The following MYO7B variants were observed in gnomAD, a reference collection of about 807,000 sequenced individuals.
MYO7B encodes myosin VIIB, also known as unconventional myosin-VIIb.
Under a neutral mutation model 259.7 loss-of-function variants are expected in MYO7B, and 212 were observed. The ratio of observed to expected loss-of-function variants is 0.82; its 90% CI spans 0.73 to 0.91. The LOEUF is 0.91. Among genes scored for constraint, MYO7B ranks in the 40% least tolerant of loss-of-function variants. The pLI is 0.00. For missense variants in MYO7B, 2,732 were observed against 2,813.5 expected (o/e 0.97, Z 0.66); for synonymous variants, 1,197 against 1,166.4 (o/e 1.03, Z -0.54).
chr2:127,571,476 T>TTTTTC (rs1678622905), intron 6 of MYO7B, among the ~76,000 whole-genome samples: 1 of 139,742 alleles, frequency 7.2e-6, no homozygotes, highest in Non-Finnish European at 1.6e-5. Flanking sequence ...TTGTTTTTTG[T>TTTTTC]TTGTTTGTTT....
At position 127,624,134 on chromosome 2, in the gene MYO7B, C is replaced by T. The variant is rs1037470450; in HGVS notation, c.3861C>T (p.Ala1287=). The change falls in exon 30 of 48, where the codon GCC becomes GCT. Residue 1287 remains alanine (A), a synonymous_variant. Transcript: ENST00000409816. ...GCGGGCGCGACCACATGATGGATGC[C>T]ATCGCCCGGTGTGAGCAGATGGCCC... is the stretch of plus-strand genomic sequence containing the variant. ...LGSGRDHMMD[A]IARCEQMAQE... 3.8e-6 allele frequency: 6 copies of T among 1,590,758 alleles called. No homozygotes were observed. Among genetic ancestry groups the T allele is most frequent in the Non-Finnish European group, 5.1e-6 (6 of 1,169,458 alleles).
In MYO7B at chr2:127,608,763, A is replaced by G. The variant is rs746872493; in HGVS notation, c.2699A>G (p.Lys900Arg). 4 of 1,613,374 alleles carry G rather than the reference A, an allele frequency of 2.5e-6. No homozygotes were observed. In the African/African-American group the frequency reaches 4.0e-5, roughly 16 times the overall value. Residue 900 changes from lysine (K) to arginine (R), a missense_variant, in exon 22 of 48, where the codon AAG (lysine) becomes AGG (arginine). Physicochemically the swap from Lys to Arg is conservative, Grantham distance 26. Transcript: ENST00000409816. ...GQKSQGALPA[K>R]KRRSIYDTVT... ...AAAAGCCAAGGCGCTCTCCCTGCCA[A>G]GAAGCGCAGATCCATCTACGACACC...
In MYO7B at chr2:127,637,631, G is replaced by A. The variant is rs532895633; in HGVS notation, c.*214G>A. 84 of 456,134 alleles carry A rather than the reference G, an allele frequency of 1.8e-4. No individual in the cohort carries two copies. The highest frequency in any genetic ancestry group is 1.5e-3 in the African/African-American group (78 of 50,672). The allele number at this position is 456,134 out of a possible 1,614,324, so 28.3% of individuals were successfully genotyped here. On this transcript the variant is annotated 3_prime_UTR_variant, in exon 48 of 48. Coordinates refer to ENST00000409816, the MANE Select transcript of MYO7B (RefSeq NM_001393586.1). ...GGCCCAGAATGGGGTCGGGAGTCTC[G>A]GACCCCCAGGCTATTGGTGGATGAC...
chr2:127,634,567 C>A (rs1392771484), intron 41 of MYO7B, 29 bp from the exon 42 acceptor site: 1 of 1,587,930 alleles, frequency 6.3e-7, no homozygotes. Context: ...GGAAGCCACC[C>A]AACTTCCCTG....
At position 127,628,354 on chromosome 2, in the gene MYO7B, G is replaced by A. The variant is rs763576118; in HGVS notation, c.4461-18G>A. Reference sequence around the variant, plus strand: ...GAAGGTGGAGGGGGCTCCTGGTCACGCTGTCCTTCATCTCCAGGGAGGCCC... The same window carrying A: ...GAAGGTGGAGGGGGCTCCTGGTCACACTGTCCTTCATCTCCAGGGAGGCCC... On this transcript the variant is annotated intron_variant, in intron 33 of 47. Transcript: ENST00000409816. The surrounding 1 kb of genome is among the most constrained non-coding windows in gnomAD (Gnocchi z 4.8). The A allele has an allele frequency of 4.9e-5, 78 of 1,590,404 alleles. No homozygotes were observed. Among genetic ancestry groups the A allele is most frequent in the Admixed American group, 1.1e-4 (6 of 56,976 alleles).
chr2:127,635,995 A>G (rs1681781174), intron 44 of MYO7B, 88 bp downstream of exon 44: 1 of 1,460,228 alleles, frequency 6.8e-7, no homozygotes, highest in Non-Finnish European at 9.2e-7. Flanking sequence ...GGGCTCCAAG[A>G]TCACATGGGT....
Position 127,593,095 on chromosome 2 carries a change from C to G in MYO7B, c.2145+149C>G, listed in dbSNP as rs911471874. ...GCCCTGTCCTTCCTCCCTCTCTCCT[C>G]CTCCCACCCTACCCTCTCCCTCTCC... On this transcript the variant is annotated intron_variant, in intron 17 of 47. Transcript: ENST00000409816. 5.6e-6 allele frequency: 6 copies of G among 1,073,702 alleles called. No homozygotes were observed. The African/African-American group carries it at 9.4e-5, about 17-fold the overall frequency. 66.5% of individuals were successfully genotyped at this position (1,073,702 alleles called of 1,614,324 possible). A position where few individuals can be genotyped will look rare whatever the true frequency, so the allele number is the denominator to read the frequency against.
rs5834178 is a variant in MYO7B, at chr2:127,546,762, G to GTCCGTCCA, written c.-24+10934_-24+10935insGTCCATCC. ...ATGCCTCACCTGCTTTCCTGGGTAG[G>GTCCGTCCA]TCCATCCATCCATCCATCCATCCAT... On this transcript the variant is annotated intron_variant, in intron 1 of 47. Transcript: ENST00000409816. The surrounding 1 kb of genome is among the most constrained non-coding windows in gnomAD (Gnocchi z 4.2). Among the ~76,000 whole-genome samples the GTCCGTCCA allele has an allele frequency of 1.4e-4, 21 of 149,432 alleles. No homozygotes were observed. Among genetic ancestry groups the GTCCGTCCA allele is most frequent in the African/African-American group, 5.0e-4 (20 of 40,274 alleles).
At chr2:127,588,700 G>A in intron 15 of MYO7B, 145 bp downstream of exon 15, 3 of 969,080 alleles carry the variant, frequency 3.1e-6, no homozygotes, top group South Asian at 1.6e-5. Context: ...TGGATGGATG[G>A]GTGAATGGAT....
At position 127,612,564 on chromosome 2, in the gene MYO7B, A is replaced by G; in HGVS notation, c.3359A>G (p.His1120Arg). ...CCCATGTCCAACCTGGAGAAGGTGC[A>G]CTTCATCGTGGGCTACGCCATCCTG... The part of the protein sequence containing the change: ...DRPMSNLEKV[H>R]FIVGYAILRP... Residue 1120 changes from histidine (H) to arginine (R), a missense_variant, in exon 26 of 48, where the codon CAC becomes CGC. Physicochemically the swap from His to Arg is conservative, Grantham distance 29. This residue lies in a region of MYO7B where 1,906 missense variants were observed against 2,026.4 expected (regional missense o/e 0.94). Coordinates refer to ENST00000409816, the MANE Select transcript of MYO7B (RefSeq NM_001393586.1). 1.9e-6 allele frequency: 3 copies of G among 1,605,396 alleles called. No homozygotes were observed. The highest frequency in any genetic ancestry group is 1.7e-6 in the Non-Finnish European group (2 of 1,176,262).
At chr2:127,592,298 G>C (rs1679586907) in intron 16 of MYO7B, among the ~76,000 whole-genome samples, 1 of 152,194 alleles carries the variant, frequency 6.6e-6, no homozygotes, top group South Asian at 2.1e-4. Flanking sequence ...GGGAGGCTGA[G>C]GCAGGAGAAT....
At position 127,584,728 on chromosome 2, in the gene MYO7B, C is replaced by T; in HGVS notation, c.1555-50C>T. 1.9e-6 allele frequency: 3 copies of T among 1,605,620 alleles called. No individual in the cohort carries two copies. The highest frequency in any genetic ancestry group is 2.6e-6 in the Non-Finnish European group (3 of 1,175,176). ...AGGAAGTCCCTGAGCCTCACCTCCC[C>T]ATGGCTGGACTCTGGGACCTCAGCC... On this transcript the variant is annotated intron_variant, in intron 13 of 47. Transcript: ENST00000409816. This position sits in a 1 kb window ranked among gnomAD's most constrained non-coding sequence, Gnocchi z 5.8.
At chr2:127,596,051 G>A (rs1190063062) in intron 18 of MYO7B, among the ~76,000 whole-genome samples, 1 of 152,178 alleles carries the variant, frequency 6.6e-6, no homozygotes, top group African/African-American at 2.4e-5. Flanking sequence ...AATATTGACA[G>A]TGAGGTGTTA....
intron 19 of MYO7B, among the ~76,000 whole-genome samples, chr2:127,601,840 G>A (rs575503907): frequency 5.0e-4 from 76 of 152,142 alleles, no homozygotes; most frequent in Admixed American, 2.4e-3. Flanking sequence ...TATACAGCAG[G>A]TGTTCGAATA....
At chr2:127,622,723 G>A (rs566266021) in intron 28 of MYO7B, among the ~76,000 whole-genome samples, 1 of 152,172 alleles carries the variant, frequency 6.6e-6, no homozygotes, top group Non-Finnish European at 1.5e-5. Flanking sequence ...CGAGCCCACA[G>A]GGGCTCCCTC....
chr2:127,631,128 CAGG>C, intron 36 of MYO7B, 75 bp from the exon 37 acceptor site: 1 of 1,476,438 alleles, frequency 6.8e-7, no homozygotes, highest in Non-Finnish European at 9.0e-7. Flanking sequence ...CACAGCCACT[CAGG>C]GGTGTCAGAG....
Position 127,559,583 on chromosome 2 carries a change from C to A in MYO7B, c.-23-117C>A. ...CATTTATTCAGCATTGTTTTTGAGCCAGGTCCCATGCCGGGCACTTAGGGA... is the reference window on the plus strand; with the variant it reads ...CATTTATTCAGCATTGTTTTTGAGCAAGGTCCCATGCCGGGCACTTAGGGA... On this transcript the variant is annotated intron_variant, in intron 1 of 47. Transcript: ENST00000409816. This position sits in a 1 kb window ranked among gnomAD's most constrained non-coding sequence, Gnocchi z 4.1. 1.1e-6 allele frequency: 1 copy of A among 890,236 alleles called. No individual in the cohort carries two copies. Among genetic ancestry groups the A allele is most frequent in the Non-Finnish European group, 1.9e-6 (1 of 535,800 alleles). 55.1% of individuals were successfully genotyped at this position (890,236 alleles called of 1,614,324 possible). A position where few individuals can be genotyped will look rare whatever the true frequency, so the allele number is the denominator to read the frequency against.
chr2:127,608,573 A>T (rs1680248922), intron 21 of MYO7B, 135 bp from the exon 22 acceptor site: 2 of 970,828 alleles, frequency 2.1e-6, no homozygotes, highest in Non-Finnish European at 3.0e-6. Context: ...TCAGAGCAGA[A>T]TATTGATTTG....
intron 6 of MYO7B, among the ~76,000 whole-genome samples, chr2:127,573,441 G>A (rs749194132): frequency 2.6e-5 from 4 of 152,168 alleles, no homozygotes; most frequent in African/African-American, 7.2e-5. Flanking sequence ...GCCTGGACAC[G>A]CTGTTGGCAC....
Sources: gnomAD v4.1 joint callset for allele counts (sites outside exome capture counted in the v4.1 genomes callset) on GRCh38, gnomAD v4.1.1 for gene constraint, gnomAD v4.1.1 regional missense constraint, Gnocchi (gnomAD v3.1) non-coding constraint, MANE v1.5 for transcripts, NCBI Gene and HGNC (gene_info 2026-07-23, HGNC 2026-07-21) for gene names.